TMEM120B: variants seen among roughly 807,000 people sequenced by gnomAD.
The protein encoded by TMEM120B is transmembrane protein 120B.
TMEM120B carries 31 observed loss-of-function variants against 55.5 expected under a neutral mutation model. The observed-to-expected ratio is 0.56, with a 90% CI of 0.42 to 0.75. The LOEUF (loss-of-function observed/expected upper bound fraction) is 0.75, where lower values mean the gene tolerates loss of function less well. TMEM120B is among the 30% of genes least tolerant of loss of function. The probability of loss-of-function intolerance (pLI) is 0.00; values close to 1 mark genes in which losing one functional copy is unlikely to be tolerated. For synonymous variants in TMEM120B, 203 were observed against 176.3 expected (o/e 1.15, Z -1.20); for missense variants, 399 against 425.5 (o/e 0.94, Z 0.55).
intron 1 of TMEM120B, among the ~76,000 whole-genome samples, 182 bp downstream of exon 1, chr12:121,713,146 G>A (rs1435690063): frequency 6.6e-6 from 1 of 151,832 alleles, no homozygotes; most frequent in East Asian, 1.9e-4. Context: ...TCAGCTCTTC[G>A]TCCACGTGGG....
At chr12:121,750,928 TCACCC>T (rs1566517318) in intron 4 of TMEM120B, among the ~76,000 whole-genome samples, 1 of 4,872 alleles carries the variant, frequency 2.1e-4, no homozygotes, top group Non-Finnish European at 3.8e-4. Context: ...CACCCACACC[TCACCC>T]CACACCCCAC....
At chr12:121,753,820 G>A (rs1419525288) in intron 5 of TMEM120B, among the ~76,000 whole-genome samples, 2 of 152,198 alleles carry the variant, frequency 1.3e-5, no homozygotes, top group Non-Finnish European at 2.9e-5. Flanking sequence ...CAAGGGTGAC[G>A]GCAGTCCCTG....
intron 4 of TMEM120B, among the ~76,000 whole-genome samples, chr12:121,750,930 A>C (rs1274744700): frequency 3.1e-4 from 9 of 28,722 alleles, no homozygotes; most frequent in Non-Finnish European, 5.2e-4. Context: ...CCCACACCTC[A>C]CCCCACACCC....
chr12:121,764,237 A>C (rs1261646215), intron 6 of TMEM120B, among the ~76,000 whole-genome samples: 1 of 150,764 alleles, frequency 6.6e-6, no homozygotes, highest in Non-Finnish European at 1.5e-5. Flanking sequence ...TTAACCAGGC[A>C]TGGGCCAGGT....
intron 9 of TMEM120B, among the ~76,000 whole-genome samples, 163 bp downstream of exon 9, chr12:121,773,676 C>T (rs1051558135): frequency 2.0e-5 from 3 of 152,140 alleles, no homozygotes; most frequent in African/African-American, 4.8e-5. Flanking sequence ...TTTCAGCTGC[C>T]AAGTGCCAGG....
In TMEM120B at chr12:121,779,474, G is replaced by C; in HGVS notation, c.*3752G>C. Reference sequence around the variant, plus strand: ...TGGGCCCCCGGGCCCTGTCAGTGCTGTCGTGAGGTCTGTCTGCCCTGGGTC... The same window carrying C: ...TGGGCCCCCGGGCCCTGTCAGTGCTCTCGTGAGGTCTGTCTGCCCTGGGTC... On this transcript the variant is annotated 3_prime_UTR_variant, in exon 12 of 12. Coordinates refer to ENST00000449592, the MANE Select transcript of TMEM120B (RefSeq NM_001080825.2). 6.2e-7 allele frequency: 1 copy of C among 1,607,998 alleles called. No homozygotes were observed. Among genetic ancestry groups the C allele is most frequent in the Non-Finnish European group, 8.5e-7 (1 of 1,179,310 alleles).
intron 5 of TMEM120B, among the ~76,000 whole-genome samples, chr12:121,754,864 T>C (rs951819843): frequency 6.6e-6 from 1 of 152,152 alleles, no homozygotes; most frequent in East Asian, 1.9e-4. Flanking sequence ...GACGGGCCGT[T>C]CATCTCTGTG....
rs1566530519 is a variant in TMEM120B at position 121,779,540 on chromosome 12, C to CT, written c.*3820dup. Reference sequence around the variant, plus strand: ...GCCGGCGCTTCTTCTGCCGTTGCGCCTTCTTCAGAGCGCTGAGAGCCACCT... The same window carrying CT: ...GCCGGCGCTTCTTCTGCCGTTGCGCCTTTCTTCAGAGCGCTGAGAGCCACCT... On this transcript the variant is annotated 3_prime_UTR_variant, in exon 12 of 12. Coordinates refer to ENST00000449592, the MANE Select transcript of TMEM120B (RefSeq NM_001080825.2). 1 of 1,613,214 alleles carries CT rather than the reference C, an allele frequency of 6.2e-7. No homozygotes were observed. The highest frequency in any genetic ancestry group is 8.5e-7 in the Non-Finnish European group (1 of 1,179,396).
At chr12:121,743,262 A>T (rs544651675) in intron 1 of TMEM120B, among the ~76,000 whole-genome samples, 2 of 152,064 alleles carry the variant, frequency 1.3e-5, no homozygotes, top group Admixed American at 1.3e-4. Context: ...ATAAAGAGTG[A>T]TTTATTGGCT....
At chr12:121,731,723 T>A (rs1895007127) in intron 1 of TMEM120B, among the ~76,000 whole-genome samples, 1 of 152,244 alleles carries the variant, frequency 6.6e-6, no homozygotes, top group African/African-American at 2.4e-5. Flanking sequence ...CACATGACTG[T>A]ACCACAGTAT....
At chr12:121,731,044 G>A (rs2137048249) in intron 1 of TMEM120B, among the ~76,000 whole-genome samples, 1 of 152,230 alleles carries the variant, frequency 6.6e-6, no homozygotes, top group East Asian at 1.9e-4. Flanking sequence ...ACAGAAGACA[G>A]AATAGTGATT....
In TMEM120B at chr12:121,771,577, G is replaced by A. The variant is rs757037372; in HGVS notation, c.679+28G>A. The A allele has an allele frequency of 9.3e-6, 15 of 1,606,038 alleles. No homozygotes were observed. The East Asian group carries it at 2.5e-4, about 26-fold the overall frequency. On this transcript the variant is annotated intron_variant, in intron 8 of 11. Transcript: ENST00000449592. ...GAGTGACTGTTGCCTGGATTTGGGG[G>A]AAGGGACATGGTTTTCTGAGACTTT...
rs141096802 is a variant in TMEM120B at position 121,781,095 on chromosome 12, G to A, written c.*5373G>A. On this transcript the variant is annotated 3_prime_UTR_variant, in exon 12 of 12. Transcript: ENST00000449592. Reference sequence around the variant, plus strand: ...AGGCCGGCCTCACCTTGATGAGGACGTTGTCGTAGCTGGTGGGATTCATGA... The same window carrying A: ...AGGCCGGCCTCACCTTGATGAGGACATTGTCGTAGCTGGTGGGATTCATGA... 51 of 1,614,230 alleles carry A rather than the reference G, an allele frequency of 3.2e-5. No homozygotes were observed. In the African/African-American group the frequency reaches 4.3e-4, roughly 13 times the overall value.
intron 6 of TMEM120B, among the ~76,000 whole-genome samples, chr12:121,767,469 A>G (rs1158701967): frequency 1.3e-5 from 2 of 152,156 alleles, no homozygotes. Flanking sequence ...TGCCCCTGCA[A>G]GCTTTAACTT....
chr12:121,775,836 T>TC lies in TMEM120B; in HGVS notation c.*119dup, dbSNP rs1396993845. 8.9e-7 allele frequency: 1 copy of TC among 1,123,874 alleles called. No homozygotes were observed. 69.6% of individuals were successfully genotyped at this position (1,123,874 alleles called of 1,614,324 possible). On this transcript the variant is annotated 3_prime_UTR_variant, in exon 12 of 12. Transcript: ENST00000449592. The surrounding 1 kb of genome is among the most constrained non-coding windows in gnomAD (Gnocchi z 4.3). ...CGCTGGGAGAGGGCCCAGGCCCTGG[T>TC]CCCCCAGTGGACCCCAGTGGTCTAG...
At chr12:121,746,593 A>G (rs571642211) in intron 2 of TMEM120B, among the ~76,000 whole-genome samples, 1 of 152,216 alleles carries the variant, frequency 6.6e-6, no homozygotes, top group East Asian at 1.9e-4. Context: ...CTGGCCTCCC[A>G]AAGTGCTGGG....
At chr12:121,741,000 G>T (rs1872918231) in intron 1 of TMEM120B, among the ~76,000 whole-genome samples, 1 of 152,054 alleles carries the variant, frequency 6.6e-6, no homozygotes, top group African/African-American at 2.4e-5. Context: ...GGGTGGGTGT[G>T]GCTGTGTTCC....
Position 121,775,744 on chromosome 12 carries a change from G to T in TMEM120B, c.*22G>T, listed in dbSNP as rs375683310. On this transcript the variant is annotated 3_prime_UTR_variant, in exon 12 of 12. Coordinates refer to ENST00000449592, the MANE Select transcript of TMEM120B (RefSeq NM_001080825.2). This position sits in a 1 kb window ranked among gnomAD's most constrained non-coding sequence, Gnocchi z 4.3. ...GTGAGCCTCGGGCTCCTGTGCCCTCGGCCCGGACTTCAGACTGCAGGGGGC... is the reference window on the plus strand; with the variant it reads ...GTGAGCCTCGGGCTCCTGTGCCCTCTGCCCGGACTTCAGACTGCAGGGGGC... 6.2e-7 allele frequency: 1 copy of T among 1,612,580 alleles called. No homozygotes were observed. Among genetic ancestry groups the T allele is most frequent in the Admixed American group, 1.7e-5 (1 of 59,980 alleles).
At chr12:121,773,677 A>T (rs1874138718) in intron 9 of TMEM120B, among the ~76,000 whole-genome samples, 164 bp downstream of exon 9, 1 of 152,102 alleles carries the variant, frequency 6.6e-6, no homozygotes, top group African/African-American at 2.4e-5. Flanking sequence ...TTCAGCTGCC[A>T]AGTGCCAGGC....
Sources: gnomAD v4.1 joint callset for allele counts (sites outside exome capture counted in the v4.1 genomes callset) on GRCh38, gnomAD v4.1.1 for gene constraint, Gnocchi (gnomAD v3.1) non-coding constraint, MANE v1.5 for transcripts, NCBI Gene and HGNC (gene_info 2026-07-23, HGNC 2026-07-21) for gene names.